DNAH14: variants seen among roughly 807,000 people sequenced by gnomAD.
DNAH14 encodes the protein axonemal beta dynein heavy chain 14.
In DNAH14, 478 loss-of-function variants were observed where a neutral mutation model predicts 520.9. The ratio of observed to expected loss-of-function variants is 0.92; its 90% CI spans 0.85 to 0.99. DNAH14 has a LOEUF of 0.99. Among genes scored for constraint, DNAH14 ranks in the 50% least tolerant of loss-of-function variants. DNAH14 has a pLI of 0.00. For synonymous variants in DNAH14, 1,581 were observed against 1,757.2 expected (o/e 0.90, Z 2.51); for missense variants, 4,831 against 5,234.5 (o/e 0.92, Z 2.38).
At chr1:225,106,639 A>G (rs974607860) in intron 23 of DNAH14, among the ~76,000 whole-genome samples, 2 of 152,232 alleles carry the variant, frequency 1.3e-5, no homozygotes, top group Admixed American at 6.5e-5. Flanking sequence ...TTGATCTTCC[A>G]TCACGGATAC....
intron 15 of DNAH14, among the ~76,000 whole-genome samples, chr1:225,048,254 A>T (rs2068143187): frequency 1.3e-5 from 2 of 152,198 alleles, no homozygotes; most frequent in African/African-American, 4.8e-5. Flanking sequence ...TAATCCCAGC[A>T]CTTTGGGAGG....
intron 8 of DNAH14, among the ~76,000 whole-genome samples, chr1:224,992,797 A>G (rs1184425827): frequency 2.0e-5 from 3 of 151,940 alleles, no homozygotes; most frequent in African/African-American, 7.3e-5. Context: ...AAGTACTTCA[A>G]TTTTTTACTA....
chr1:225,237,855 C>T (rs2091705273), intron 42 of DNAH14, among the ~76,000 whole-genome samples: 2 of 152,144 alleles, frequency 1.3e-5, no homozygotes, highest in African/African-American at 4.8e-5. Flanking sequence ...TGTCTTATTT[C>T]AGAAAGATAG....
chr1:225,358,573 T>C lies in DNAH14; in HGVS notation c.11697T>C (p.Leu3899=). Residue 3899 remains leucine, a synonymous_variant, in exon 74 of 86, where the codon CTT becomes CTC. Coordinates refer to ENST00000682510, the MANE Select transcript of DNAH14 (RefSeq NM_001367479.1). ...FITEKMGNKY[L]QRTGVNLKDA... is the part of the protein sequence containing the mutation. ...CTGAAAAAATGGGAAATAAGTATCT[T>C]CAAAGAACTGGAGTTAATTTGAAAG... 2.6e-6 allele frequency: 4 copies of C among 1,549,944 alleles called. No individual in the cohort carries two copies. Among genetic ancestry groups the C allele is most frequent in the Non-Finnish European group, 3.5e-6 (4 of 1,146,276 alleles).
At chr1:225,249,364 GT>G (rs1475976787) in intron 43 of DNAH14, among the ~76,000 whole-genome samples, 3 of 152,304 alleles carry the variant, frequency 2.0e-5, no homozygotes, top group African/African-American at 7.2e-5. Flanking sequence ...CATTTGGTAT[GT>G]GTTCTTGACC....
intron 64 of DNAH14, among the ~76,000 whole-genome samples, chr1:225,326,551 A>T (rs2094675020): frequency 6.6e-6 from 1 of 152,174 alleles, no homozygotes; most frequent in South Asian, 2.1e-4. Context: ...AAATACGTCA[A>T]CATTTTCACA....
rs2082201651 is a variant in DNAH14 at position 225,168,025 on chromosome 1, TC to T, written c.5533del (p.Gln1845ArgfsTer6). 1 of 1,503,594 alleles carries T rather than the reference TC, an allele frequency of 6.7e-7. No individual in the cohort carries two copies. Among genetic ancestry groups the T allele is most frequent in the Non-Finnish European group, 9.0e-7 (1 of 1,112,640 alleles). The allele number at this position is 1,503,594 out of a possible 1,614,324, so 93.1% of individuals were successfully genotyped here. The stretch of plus-strand genomic sequence containing the variant: ...AGATTATACAGTTTTATAATCAACT[TC>T]AGGTAAGTATAAAATGGCATGTTAG... ...EKIIQFYNQL[Q>X]VCVGVMLVGP... On this transcript the variant is annotated frameshift_variant and splice_region_variant, in exon 36 of 86. Transcript: ENST00000682510. LOFTEE classifies it high-confidence loss of function.
At chr1:225,072,011 A>G (rs751499195) in intron 17 of DNAH14, among the ~76,000 whole-genome samples, 1 of 152,108 alleles carries the variant, frequency 6.6e-6, no homozygotes, top group Non-Finnish European at 1.5e-5. Context: ...GAAGAATCTG[A>G]TGATGTGTCT....
intron 1 of DNAH14, among the ~76,000 whole-genome samples, chr1:224,951,812 C>T (rs1013900349): frequency 6.6e-5 from 10 of 151,976 alleles, no homozygotes; most frequent in Non-Finnish European, 1.0e-4. Context: ...CACCAATGCC[C>T]GGCTAATTTT....
intron 60 of DNAH14, among the ~76,000 whole-genome samples, chr1:225,316,316 A>T (rs2094466695): frequency 1.3e-5 from 2 of 152,126 alleles, no homozygotes; most frequent in Admixed American, 1.3e-4. Flanking sequence ...ACTGAGCAAG[A>T]CCACTTGGAT....
chr1:225,179,612 T>A (rs1316839486), intron 36 of DNAH14, among the ~76,000 whole-genome samples: 1 of 152,160 alleles, frequency 6.6e-6, no homozygotes, highest in African/African-American at 2.4e-5. Context: ...ATTTTTCTCT[T>A]TTAGTCTTCA....
At chr1:225,242,279 AT>A (rs966372662) in intron 43 of DNAH14, among the ~76,000 whole-genome samples, 3 of 151,900 alleles carry the variant, frequency 2.0e-5, no homozygotes, top group African/African-American at 7.3e-5. Context: ...GCTTACTATA[AT>A]TTTTTTTACT....
chr1:224,966,654 CTT>C (rs2061187001), intron 5 of DNAH14, among the ~76,000 whole-genome samples: 1 of 152,110 alleles, frequency 6.6e-6, no homozygotes, highest in Admixed American at 6.6e-5. Context: ...GAATTTGTGA[CTT>C]TTCTCAAATT....
intron 36 of DNAH14, among the ~76,000 whole-genome samples, chr1:225,175,478 A>T (rs1445856398): frequency 6.6e-6 from 1 of 151,950 alleles, no homozygotes; most frequent in Non-Finnish European, 1.5e-5. Flanking sequence ...CTGTGGTATC[A>T]GCTATAATGT....
chr1:225,297,935 G>T (rs1213234566), intron 55 of DNAH14, among the ~76,000 whole-genome samples: 1 of 152,150 alleles, frequency 6.6e-6, no homozygotes, highest in Non-Finnish European at 1.5e-5. Flanking sequence ...GCAGGCCAGG[G>T]ACATGTCTGC....
chr1:225,363,115 A>G (rs1376659710), intron 75 of DNAH14, among the ~76,000 whole-genome samples: 1 of 152,014 alleles, frequency 6.6e-6, no homozygotes, highest in South Asian at 2.1e-4. Flanking sequence ...ACTCCCTTAT[A>G]CCCTTCATCT....
At chr1:224,948,231 G>A (rs1283900628) in intron 1 of DNAH14, among the ~76,000 whole-genome samples, 1 of 150,530 alleles carries the variant, frequency 6.6e-6, no homozygotes, top group Admixed American at 6.7e-5. Flanking sequence ...TTACACATTT[G>A]CATTCCATAT....
Position 225,346,097 on chromosome 1 carries a change from C to T in DNAH14, c.10814C>T (p.Pro3605Leu). Residue 3605 changes from proline (P) to leucine (L), a missense_variant, in exon 70 of 86, where the codon CCC (proline) becomes CTC (leucine). Pro to Leu is a moderately conservative substitution (Grantham distance 98). Transcript: ENST00000682510. ...CAAGCAATACGTAAAAACTATCTCC[C>T]CATTGCGACCCGAGGCGCCCTGCTC... ...EIQAIRKNYL[P>L]IATRGALLYF... 6.4e-7 allele frequency: 1 copy of T among 1,551,674 alleles called. No homozygotes were observed. The highest frequency in any genetic ancestry group is 2.4e-5 in the East Asian group (1 of 40,918).
chr1:225,321,213 T>C (rs981825719), intron 61 of DNAH14, among the ~76,000 whole-genome samples: 1 of 152,150 alleles, frequency 6.6e-6, no homozygotes, highest in African/African-American at 2.4e-5. Context: ...AGACTAAAGA[T>C]TAAATCAAAT....
Sources: gnomAD v4.1 joint callset for allele counts (sites outside exome capture counted in the v4.1 genomes callset) on GRCh38, gnomAD v4.1.1 for gene constraint, MANE v1.5 for transcripts, NCBI Gene and HGNC (gene_info 2026-07-23, HGNC 2026-07-21) for gene names.